Variants in KCNK13 observed in about 807,000 individuals in gnomAD.
The protein encoded by KCNK13 is potassium channel subfamily K member 13.
Under a neutral mutation model 23.4 loss-of-function variants are expected in KCNK13, and 12 were observed. The observed-to-expected ratio is 0.51, with a 90% CI of 0.33 to 0.83. KCNK13 has a LOEUF of 0.83. Ranked by LOEUF, KCNK13 falls within the 40% of genes least tolerant of loss-of-function variation. KCNK13 has a pLI of 0.02. For synonymous variants in KCNK13, 231 were observed against 229.5 expected (o/e 1.01, Z -0.06); for missense variants, 463 against 556.3 (o/e 0.83, Z 1.69).
chr14:90,132,403 G>C (rs989621910), intron 1 of KCNK13, among the ~76,000 whole-genome samples: 1 of 152,240 alleles, frequency 6.6e-6, no homozygotes, highest in Middle Eastern at 3.4e-3. Context: ...AAATTAGCCG[G>C]TGTGGTGACA....
At chr14:90,137,763 A>G (rs1405192196) in intron 1 of KCNK13, among the ~76,000 whole-genome samples, 1 of 152,264 alleles carries the variant, frequency 6.6e-6, no homozygotes, top group East Asian at 1.9e-4. Flanking sequence ...TCATCACATT[A>G]GAACTGCAAA....
chr14:90,116,795 CG>C, intron 1 of KCNK13, among the ~76,000 whole-genome samples: 1 of 152,134 alleles, frequency 6.6e-6, no homozygotes, highest in Admixed American at 6.6e-5. Flanking sequence ...CAAGCAAATG[CG>C]CTCATCTTTT....
chr14:90,145,711 G>C (rs2140430589), intron 1 of KCNK13, among the ~76,000 whole-genome samples: 1 of 151,982 alleles, frequency 6.6e-6, no homozygotes, highest in South Asian at 2.1e-4. Context: ...CATTTATTAA[G>C]AGATGGTTGG....
At chr14:90,069,059 CAG>C (rs1223660043) in intron 1 of KCNK13, among the ~76,000 whole-genome samples, 2 of 96,572 alleles carry the variant, frequency 2.1e-5, no homozygotes, top group Non-Finnish European at 3.8e-5. Context: ...TTTTTTGAGA[CAG>C]AGTTTCCCTT....
intron 1 of KCNK13, among the ~76,000 whole-genome samples, chr14:90,083,692 C>T (rs1034842151): frequency 6.6e-6 from 1 of 152,160 alleles, no homozygotes; most frequent in Admixed American, 6.5e-5. Flanking sequence ...GCAAGAAGAC[C>T]CTTTCAAACT....
rs1889636583 is a variant in KCNK13 at position 90,113,224 on chromosome 14, AG to A, written c.334+50686del. ...CATGAGCCATTGCACCTGGTTGAAAAGTTTTTTTTTTAAATGGAAAAACATG... is the reference window on the plus strand; with the variant it reads ...CATGAGCCATTGCACCTGGTTGAAAATTTTTTTTTTAAATGGAAAAACATG... On this transcript the variant is annotated intron_variant, in intron 1 of 1. Transcript: ENST00000282146. Among the ~76,000 whole-genome samples, 4 of 151,852 alleles carry A rather than the reference AG, an allele frequency of 2.6e-5. No individual in the cohort carries two copies. In the South Asian group the frequency reaches 8.3e-4, roughly 32 times the overall value.
Position 90,184,152 on chromosome 14 carries a change from T to C in KCNK13, c.376T>C (p.Phe126Leu). Residue 126 changes from phenylalanine (F) to leucine (L), a missense_variant, in exon 2 of 2, where the codon TTT becomes CTT. Transcript: ENST00000282146. The surrounding 1 kb of genome is among the most constrained non-coding windows in gnomAD (Gnocchi z 5.6). The part of the protein sequence containing the change: ...TTPATVGGKI[F>L]LIFYGLVGCS... ...TCCGGCGACAGTAGGAGGAAAAATC[T>C]TTCTGATCTTTTACGGCCTTGTTGG... 1 of 1,614,114 alleles carries C rather than the reference T, an allele frequency of 6.2e-7. No homozygotes were observed. Among genetic ancestry groups the C allele is most frequent in the Non-Finnish European group, 8.5e-7 (1 of 1,179,926 alleles).
chr14:90,074,710 A>G (rs921885098), intron 1 of KCNK13, among the ~76,000 whole-genome samples: 16 of 152,084 alleles, frequency 1.1e-4, no homozygotes, highest in Middle Eastern at 3.2e-3. Flanking sequence ...TATGTTACTG[A>G]ATTTTGGACC....
chr14:90,111,111 G>A (rs1889611122), intron 1 of KCNK13, among the ~76,000 whole-genome samples: 1 of 151,956 alleles, frequency 6.6e-6, no homozygotes, highest in Non-Finnish European at 1.5e-5. Flanking sequence ...CCTGAATGTT[G>A]CCTTAAAGCC....
chr14:90,134,812 G>T (rs755830247), intron 1 of KCNK13, among the ~76,000 whole-genome samples: 4 of 152,266 alleles, frequency 2.6e-5, no homozygotes, highest in Middle Eastern at 3.4e-3. Flanking sequence ...CTACAATGAA[G>T]ATATATTATG....
At chr14:90,114,677 G>A (rs188905430) in intron 1 of KCNK13, among the ~76,000 whole-genome samples, 36 of 152,110 alleles carry the variant, frequency 2.4e-4, no homozygotes, top group Non-Finnish European at 4.6e-4. Flanking sequence ...ACAGCCTCTG[G>A]GCAGGGATTT....
At chr14:90,064,368 A>T (rs941439729) in intron 1 of KCNK13, among the ~76,000 whole-genome samples, 1 of 149,202 alleles carries the variant, frequency 6.7e-6, no homozygotes, top group Non-Finnish European at 1.5e-5. Context: ...GAAGGAGCAG[A>T]GTGTGTGTGT....
chr14:90,101,274 A>G (rs1460233075), intron 1 of KCNK13, among the ~76,000 whole-genome samples: 4 of 152,096 alleles, frequency 2.6e-5, no homozygotes, highest in African/African-American at 9.7e-5. Flanking sequence ...CTGGCACCAA[A>G]TGGGCAGGAG....
At chr14:90,075,596 A>G (rs1374179404) in intron 1 of KCNK13, among the ~76,000 whole-genome samples, 1 of 152,144 alleles carries the variant, frequency 6.6e-6, no homozygotes, top group African/African-American at 2.4e-5. Context: ...CTCCTGCCTC[A>G]GCCTCCTGAG....
At position 90,121,109 on chromosome 14, in the gene KCNK13, G is replaced by A. The variant is rs145606079; in HGVS notation, c.334+58570G>A. 2.5e-3 allele frequency among the ~76,000 whole-genome samples: 379 copies of A among 152,270 alleles called. 4 individuals are homozygous for A. The highest frequency in any genetic ancestry group is 8.5e-3 in the African/African-American group (353 of 41,556). On this transcript the variant is annotated intron_variant, in intron 1 of 1. Transcript: ENST00000282146. The stretch of plus-strand genomic sequence containing the variant: ...TTGAAGGACTGAACATGACAATGAG[G>A]GTGAGGGAGGCAACCAGCTAACGTC...
At chr14:90,074,271 T>G (rs1889111111) in intron 1 of KCNK13, among the ~76,000 whole-genome samples, 1 of 152,148 alleles carries the variant, frequency 6.6e-6, no homozygotes, top group South Asian at 2.1e-4. Flanking sequence ...TGGCCTCAAG[T>G]TTTTATCTAT....
At chr14:90,101,790 CAAAAAAAA>C (rs546423368) in intron 1 of KCNK13, among the ~76,000 whole-genome samples, 18 of 55,584 alleles carry the variant, frequency 3.2e-4, no homozygotes, top group South Asian at 1.9e-3. Context: ...ACTCCGTCTC[CAAAAAAAA>C]AAAAAAAAAA....
intron 1 of KCNK13, among the ~76,000 whole-genome samples, chr14:90,064,484 G>A (rs1449431617): frequency 6.6e-6 from 1 of 152,108 alleles, no homozygotes; most frequent in Non-Finnish European, 1.5e-5. Context: ...ATGGAGGAGT[G>A]GAAAGAAACC....
At position 90,184,210 on chromosome 14, in the gene KCNK13, TCCTGGAGCGCCTGATCAC is replaced by T; in HGVS notation, c.436_453del (p.Leu146_Thr151del). ...AGCACCATCTTGTTCTTCAACCTCT[TCCTGGAGCGCCTGATCAC>T]CATCATCGCCTACATCATGAAGTCG... On this transcript the variant is annotated inframe_deletion, in exon 2 of 2. Coordinates refer to ENST00000282146, the MANE Select transcript of KCNK13 (RefSeq NM_022054.4). This position sits in a 1 kb window ranked among gnomAD's most constrained non-coding sequence, Gnocchi z 5.6. 6.2e-7 allele frequency: 1 copy of T among 1,614,222 alleles called. No individual in the cohort carries two copies. The highest frequency in any genetic ancestry group is 8.5e-7 in the Non-Finnish European group (1 of 1,180,048).
Sources: allele counts gnomAD v4.1 joint callset (sites outside exome capture counted in the v4.1 genomes callset), GRCh38; gene constraint gnomAD v4.1.1; non-coding constraint Gnocchi (gnomAD v3.1); transcripts MANE v1.5; gene names NCBI Gene and HGNC (gene_info 2026-07-23, HGNC 2026-07-21).